Variants in RB1CC1 observed in about 807,000 individuals in gnomAD.
RB1CC1 encodes RB1-inducible coiled-coil protein 1.
RB1CC1 carries 46 observed loss-of-function variants against 177.5 expected under a neutral mutation model. The observed-to-expected ratio is 0.26, with a 90% confidence interval of 0.20 to 0.33. The LOEUF (loss-of-function observed/expected upper bound fraction) is 0.33, where lower values mean the gene tolerates loss of function less well. RB1CC1 is among the 10% of genes least tolerant of loss of function. The pLI is 1.00. For missense variants in RB1CC1, 1,703 were observed against 1,816.3 expected (o/e 0.94, Z 1.13); for synonymous variants, 666 against 613.6 (o/e 1.09, Z -1.26).
At chr8:52,635,969 A>C in intron 19 of RB1CC1, 46 bp downstream of exon 19, 1 of 1,594,272 alleles carries the variant, frequency 6.3e-7, no homozygotes, top group Non-Finnish European at 8.5e-7. Context: ...CTGTATCCAA[A>C]AGTGAACATA....
chr8:52,628,274 T>G (rs549708410), intron 21 of RB1CC1, 106 bp from the exon 22 acceptor site: 3 of 1,132,174 alleles, frequency 2.6e-6, no homozygotes, highest in Non-Finnish European at 3.8e-6. Context: ...AAGATATTAA[T>G]GCAATATTAA....
chr8:52,646,117 A>G (rs1424897740), intron 15 of RB1CC1, among the ~76,000 whole-genome samples: 2 of 152,164 alleles, frequency 1.3e-5, no homozygotes, highest in Non-Finnish European at 2.9e-5. Context: ...TAATTTGCTT[A>G]TATCAACATA....
At position 52,674,170 on chromosome 8, in the gene RB1CC1, T is replaced by C. The variant is rs1282157257; in HGVS notation, c.677A>G (p.His226Arg). ...CATCTCAGCTTTTTCTGAGTCTTCATGTTCAGGTAAAGAATCCAGTCTTCC... is the reference window on the plus strand; with the variant it reads ...CATCTCAGCTTTTTCTGAGTCTTCACGTTCAGGTAAAGAATCCAGTCTTCC... ...CLGRLDSLPE[H>R]EDSEKAEMKR... The change falls in exon 7 of 24, where the codon CAT (histidine) becomes CGT (arginine). Residue 226 changes from histidine to arginine, a missense_variant. This residue lies in a region of RB1CC1 where 315 missense variants were observed against 304.9 expected (regional missense o/e 1.03). Coordinates refer to ENST00000025008, the MANE Select transcript of RB1CC1 (RefSeq NM_014781.5). The C allele has an allele frequency of 1.2e-6, 2 of 1,613,580 alleles. No individual in the cohort carries two copies. Among genetic ancestry groups the C allele is most frequent in the Admixed American group, 1.7e-5 (1 of 60,032 alleles).
intron 21 of RB1CC1, among the ~76,000 whole-genome samples, chr8:52,629,062 C>T (rs1255313468): frequency 6.6e-6 from 1 of 152,088 alleles, no homozygotes; most frequent in Non-Finnish European, 1.5e-5. Context: ...TCTCTAGTCT[C>T]TGAAAGAACA....
intron 1 of RB1CC1, among the ~76,000 whole-genome samples, chr8:52,700,274 G>A (rs1000461330): frequency 2.0e-5 from 3 of 152,068 alleles, no homozygotes; most frequent in Admixed American, 2.0e-4. Flanking sequence ...TGCATTGGCA[G>A]CACCCTTGGG....
rs1323361735 is a variant in RB1CC1 at position 52,657,764 on chromosome 8, C to T, written c.2065G>A (p.Glu689Lys). 3 of 1,613,708 alleles carry T rather than the reference C, an allele frequency of 1.9e-6. No individual in the cohort carries two copies. In the Admixed American group the frequency reaches 5.0e-5, roughly 27 times the overall value. ...GCATCAATACTATCTGGAGATAATT[C>T]TTCTAAGGGACAAACTGCAGGACAT... is the stretch of plus-strand genomic sequence containing the variant. ...PLCPAVCPLE[E>K]LSPDSIDAHT... is the part of the protein sequence containing the mutation. Residue 689 changes from glutamate (E) to lysine (K), a missense_variant, in exon 15 of 24, where the codon GAA becomes AAA. Physicochemically the swap from Glu to Lys is moderately conservative, Grantham distance 56 (BLOSUM62 1). Transcript: ENST00000025008.
intron 15 of RB1CC1, among the ~76,000 whole-genome samples, chr8:52,647,756 T>C (rs1365292860): frequency 6.6e-6 from 1 of 152,164 alleles, no homozygotes; most frequent in Non-Finnish European, 1.5e-5. Flanking sequence ...CAGTAAAGGT[T>C]ATGAATTTTA....
At chr8:52,689,370 C>T (rs1480492210) in intron 1 of RB1CC1, among the ~76,000 whole-genome samples, 1 of 152,130 alleles carries the variant, frequency 6.6e-6, no homozygotes, top group Non-Finnish European at 1.5e-5. Flanking sequence ...ATCCCTACTG[C>T]CTTAAATCAG....
At chr8:52,700,044 T>C (rs1196586202) in intron 1 of RB1CC1, among the ~76,000 whole-genome samples, 1 of 151,736 alleles carries the variant, frequency 6.6e-6, no homozygotes, top group Non-Finnish European at 1.5e-5. Context: ...ATACAAGAGC[T>C]ATGTGCATGC....
chr8:52,647,842 C>CG (rs1324231055), intron 15 of RB1CC1, among the ~76,000 whole-genome samples: 2 of 152,056 alleles, frequency 1.3e-5, no homozygotes, highest in Admixed American at 6.6e-5. Flanking sequence ...TTTGAAAAGA[C>CG]TATTGTGAGA....
At chr8:52,708,813 T>A (rs1344818217) in intron 1 of RB1CC1, among the ~76,000 whole-genome samples, 3 of 152,186 alleles carry the variant, frequency 2.0e-5, no homozygotes, top group Non-Finnish European at 4.4e-5. Context: ...TGGTGGACAT[T>A]ATCTCCATTG....
Position 52,656,248 on chromosome 8 carries a change from T to C in RB1CC1, c.3581A>G (p.Lys1194Arg), listed in dbSNP as rs1274904682. Residue 1194 changes from lysine to arginine, a missense_variant, in exon 15 of 24, where the codon AAA (lysine) becomes AGA (arginine). Lys to Arg is a conservative substitution (Grantham distance 26). Coordinates refer to ENST00000025008, the MANE Select transcript of RB1CC1 (RefSeq NM_014781.5). ...DSELSALERQ[K>R]DEKITQQEEK... is the part of the protein sequence containing the mutation. ...TTCTTGTTGGGTAATTTTTTCATCT[T>C]TTTGTCTTTCAAGAGCACTCAATTC... 1 of 1,613,288 alleles carries C rather than the reference T, an allele frequency of 6.2e-7. No individual in the cohort carries two copies. The highest frequency in any genetic ancestry group is 8.5e-7 in the Non-Finnish European group (1 of 1,179,806).
rs1478482937 is a variant in RB1CC1 at position 52,707,312 on chromosome 8, T to C, written c.-167+6763A>G. 2.6e-5 allele frequency among the ~76,000 whole-genome samples: 4 copies of C among 152,158 alleles called. No individual in the cohort carries two copies. The East Asian group carries it at 5.8e-4, about 22-fold the overall frequency. On this transcript the variant is annotated intron_variant, in intron 1 of 23. Coordinates refer to ENST00000025008, the MANE Select transcript of RB1CC1 (RefSeq NM_014781.5). Reference sequence around the variant, plus strand: ...CTACTGTTACCTCAAACTCAACATGTCCAAATTTAAATTCGGTGCTTTTCC... The same window carrying C: ...CTACTGTTACCTCAAACTCAACATGCCCAAATTTAAATTCGGTGCTTTTCC...
chr8:52,698,999 G>T (rs536779885), intron 1 of RB1CC1, among the ~76,000 whole-genome samples: 27 of 152,056 alleles, frequency 1.8e-4, no homozygotes, highest in East Asian at 7.8e-4. Flanking sequence ...CCTTCAATAT[G>T]ATTTTTTAAA....
At chr8:52,708,386 G>A (rs1013685003) in intron 1 of RB1CC1, among the ~76,000 whole-genome samples, 16 of 152,044 alleles carry the variant, frequency 1.1e-4, no homozygotes, top group Non-Finnish European at 2.2e-4. Context: ...GCATGGTGGC[G>A]GATGCCTGTA....
At position 52,622,601 on chromosome 8, in the gene RB1CC1, A is replaced by C. The variant is rs1161309368; in HGVS notation, c.*1181T>G. On this transcript the variant is annotated 3_prime_UTR_variant, in exon 24 of 24. Transcript: ENST00000025008. Reference sequence around the variant, plus strand: ...TATGAAGAAATTAAATATTTTCTGAAAAAGAATTATTTTATTATTGTTCTC... The same window carrying C: ...TATGAAGAAATTAAATATTTTCTGACAAAGAATTATTTTATTATTGTTCTC... 1.3e-5 allele frequency: 2 copies of C among 152,030 alleles called. No homozygotes were observed. Among genetic ancestry groups the C allele is most frequent in the African/African-American group, 2.4e-5 (1 of 41,402 alleles). 9.4% of individuals were successfully genotyped at this position (152,030 alleles called of 1,614,324 possible).
At chr8:52,681,674 T>C (rs569828772) in intron 5 of RB1CC1, among the ~76,000 whole-genome samples, 3 of 152,226 alleles carry the variant, frequency 2.0e-5, no homozygotes, top group Admixed American at 2.0e-4. Context: ...TTCACGCCTA[T>C]AATCCCAGCA....
chr8:52,667,998 T>C (rs771407971), intron 8 of RB1CC1, 23 bp downstream of exon 8: 1 of 1,586,372 alleles, frequency 6.3e-7, no homozygotes, highest in East Asian at 2.2e-5. Context: ...TTCCTTTTCC[T>C]GAGAAAAGTC....
rs918991573 is a variant in RB1CC1, at chr8:52,684,996, T to C, written c.71+403A>G. ...ATAAAAGATTTAAGACTTGCCATTA[T>C]GTGACCTTTTTTTTTTTTTTTTTTG... is the stretch of plus-strand genomic sequence containing the variant. On this transcript the variant is annotated intron_variant, in intron 3 of 23. Transcript: ENST00000025008. 6.5e-5 allele frequency among the ~76,000 whole-genome samples: 9 copies of C among 139,062 alleles called. No homozygotes were observed. The East Asian group carries it at 9.4e-4, about 14-fold the overall frequency. The allele number at this position is 139,062 out of a possible 152,430, so 91.2% of individuals were successfully genotyped here. A position where few individuals can be genotyped will look rare whatever the true frequency, so the allele number is the denominator to read the frequency against.
Sources: gnomAD v4.1 joint callset for allele counts (sites outside exome capture counted in the v4.1 genomes callset) on GRCh38, gnomAD v4.1.1 for gene constraint, gnomAD v4.1.1 regional missense constraint, MANE v1.5 for transcripts, NCBI Gene and HGNC (gene_info 2026-07-23, HGNC 2026-07-21) for gene names.